PXDN: variants seen among roughly 807,000 people sequenced by gnomAD.
The protein encoded by PXDN is peroxidasin.
In PXDN, 77 loss-of-function variants were observed where a neutral mutation model predicts 140.3. The observed-to-expected ratio is 0.55, with a 90% CI of 0.46 to 0.66. The LOEUF is 0.66. Ranked by LOEUF, PXDN falls within the 30% of genes least tolerant of loss-of-function variation. The pLI is 0.00. For synonymous variants in PXDN, 911 were observed against 857.4 expected, an observed-to-expected ratio of 1.06 and a Z score of -1.09; for missense variants, 1,838 against 2,039.5, an observed-to-expected ratio of 0.90 and a Z score of 1.90.
chr2:1,744,612 CCGAGGGCGGGGCGGGG>C, upstream of PXDN: 3 of 626,380 alleles, frequency 4.8e-6, no homozygotes, highest in Non-Finnish European at 2.2e-6. Flanking sequence ...CTCTGAATCC[CCGAGGGCGGGGCGGGG>C]CGAGAACCCG....
chr2:1,712,553 G>A (rs1684807391), intron 1 of PXDN, among the ~76,000 whole-genome samples: 1 of 152,134 alleles, frequency 6.6e-6, no homozygotes, highest in African/African-American at 2.4e-5. Context: ...GGAGAAGAGT[G>A]GAAATCTAAA....
Position 1,649,718 on chromosome 2 carries a change from G to C in PXDN, c.2105-43C>G. On this transcript the variant is annotated intron_variant, in intron 16 of 22. Transcript: ENST00000252804. The surrounding 1 kb of genome is among the most constrained non-coding windows in gnomAD (Gnocchi z 7.1). ...GCAAGACGCACTCAATTCCCCTGGA[G>C]GATGTGTGAGGGCCCGGTACCCCTT... 1 of 1,601,736 alleles carries C rather than the reference G, an allele frequency of 6.2e-7. No homozygotes were observed.
chr2:1,648,489 G>A lies in PXDN; in HGVS notation c.3291C>T (p.Pro1097=), dbSNP rs372463004. 4 of 1,611,844 alleles carry A rather than the reference G, an allele frequency of 2.5e-6. No individual in the cohort carries two copies. Among genetic ancestry groups the A allele is most frequent in the African/African-American group, 1.3e-5 (1 of 74,950 alleles). The change falls in exon 17 of 23, where the codon CCC becomes CCT. Residue 1097 remains proline, a synonymous_variant. Coordinates refer to ENST00000252804, the MANE Select transcript of PXDN (RefSeq NM_012293.3). The surrounding 1 kb of genome is among the most constrained non-coding windows in gnomAD (Gnocchi z 8.9). ...NFQPIAQDHL[P]LHKAFFSPFR... ...AGGGAGAGAAGAAAGCTTTGTGAAG[G>A]GGGAGGTGATCTTGTGCAATGGGCT...
chr2:1,735,618 C>A lies in PXDN; in HGVS notation c.200+8638G>T, dbSNP rs569108829. ...AGTGAGCTTAAAATATTCAGAGAAC[C>A]ATGCGGCAAACAAATATGCTGTCAT... On this transcript the variant is annotated intron_variant, in intron 1 of 22. Transcript: ENST00000252804. Among the ~76,000 whole-genome samples, 3 of 152,126 alleles carry A rather than the reference C, an allele frequency of 2.0e-5. No individual in the cohort carries two copies. In the East Asian group the frequency reaches 5.8e-4, roughly 29 times the overall value.
rs138801219 is a variant in PXDN, at chr2:1,733,550, T to C, written c.200+10706A>G. Among the ~76,000 whole-genome samples, 568 of 152,158 alleles carry C rather than the reference T, an allele frequency of 3.7e-3. 3 individuals carry two copies. Among genetic ancestry groups the C allele is most frequent in the African/African-American group, 0.013 (523 of 41,524 alleles). On this transcript the variant is annotated intron_variant, in intron 1 of 22. Transcript: ENST00000252804. ...TGTAGTCAGGAGTTCGAGACCAGCA[T>C]GGCCAACATGGTGAAATCCCGTTTC...
chr2:1,725,491 C>A (rs1189606984), intron 1 of PXDN, among the ~76,000 whole-genome samples: 1 of 151,922 alleles, frequency 6.6e-6, no homozygotes, highest in East Asian at 1.9e-4. Context: ...AAAACCTAGG[C>A]ATTACCATTC....
At chr2:1,741,794 AT>A (rs1361445775) in intron 1 of PXDN, among the ~76,000 whole-genome samples, 5 of 152,174 alleles carry the variant, frequency 3.3e-5, no homozygotes, top group South Asian at 4.1e-4. Context: ...ATAGAAAATA[AT>A]CACATATACA....
Position 1,648,503 on chromosome 2 carries a change from G to A in PXDN, c.3277C>T (p.Gln1093Ter). 4 of 1,612,576 alleles carry A rather than the reference G, an allele frequency of 2.5e-6. No individual in the cohort carries two copies. Among genetic ancestry groups the A allele is most frequent in the Middle Eastern group, 3.3e-4 (2 of 6,062 alleles). The stretch of plus-strand genomic sequence containing the variant: ...GCTTTGTGAAGGGGGAGGTGATCTT[G>A]TGCAATGGGCTGGAAGTTCTCGTCC... ...RLDENFQPIA[Q>*]DHLPLHKAFF... The change falls in exon 17 of 23, where the codon CAA (glutamine) becomes TAA (stop). Residue 1093 changes from glutamine (Q) to a stop codon, truncating the protein, a stop_gained. Coordinates refer to ENST00000252804, the MANE Select transcript of PXDN (RefSeq NM_012293.3). LOFTEE classifies it high-confidence loss of function. The surrounding 1 kb of genome is among the most constrained non-coding windows in gnomAD (Gnocchi z 8.9).
At position 1,685,716 on chromosome 2, in the gene PXDN, G is replaced by C. The variant is rs1332133723; in HGVS notation, c.417-1565C>G. ...GTTGGCCAGGGGGACGGCTGAGTGG[G>C]TGGGACTTGGCACCTGCTGCACAGG... On this transcript the variant is annotated intron_variant, in intron 4 of 22. Transcript: ENST00000252804. This position sits in a 1 kb window ranked among gnomAD's most constrained non-coding sequence, Gnocchi z 5.1. Among the ~76,000 whole-genome samples the C allele has an allele frequency of 1.4e-5, 2 of 145,394 alleles. No homozygotes were observed. The highest frequency in any genetic ancestry group is 3.0e-5 in the Non-Finnish European group (2 of 66,692).
Position 1,706,651 on chromosome 2 carries a change from T to G in PXDN, c.201-13517A>C, listed in dbSNP as rs190083144. Among the ~76,000 whole-genome samples the G allele has an allele frequency of 1.3e-3, 84 of 66,538 alleles. 1 individual carries two copies. Among genetic ancestry groups the G allele is most frequent in the Middle Eastern group, 9.4e-3 (1 of 106 alleles). 43.7% of individuals were successfully genotyped at this position (66,538 alleles called of 152,430 possible). On this transcript the variant is annotated intron_variant, in intron 1 of 22. Coordinates refer to ENST00000252804, the MANE Select transcript of PXDN (RefSeq NM_012293.3). ...TAATAATACAATCTGAGAGCATGCT[T>G]CAGTGTTCACCAATCAGCTCTAAGC... is the stretch of plus-strand genomic sequence containing the variant.
In PXDN at chr2:1,696,384, T is replaced by C. The variant is rs531476352; in HGVS notation, c.201-3250A>G. On this transcript the variant is annotated intron_variant, in intron 1 of 22. Transcript: ENST00000252804. ...AGAGCACCAAAAAAGACTTCTACTA[T>C]GAAGAGGGTAAAACAAACGGTCCCC... 4.6e-5 allele frequency among the ~76,000 whole-genome samples: 7 copies of C among 151,632 alleles called. No individual in the cohort carries two copies. The South Asian group carries it at 1.5e-3, about 31-fold the overall frequency.
intron 19 of PXDN, among the ~76,000 whole-genome samples, chr2:1,642,492 G>A (rs964523487): frequency 2.6e-5 from 4 of 152,152 alleles, no homozygotes; most frequent in Admixed American, 6.5e-5. Context: ...GGGTGAGGCC[G>A]GGATCTGGCC....
chr2:1,674,506 C>T (rs549933685), intron 8 of PXDN, among the ~76,000 whole-genome samples: 29 of 152,322 alleles, frequency 1.9e-4, no homozygotes, highest in African/African-American at 6.5e-4. Flanking sequence ...GGCCAGTCCT[C>T]GGGCAGCAAG....
chr2:1,674,176 A>G (rs1683642344), intron 8 of PXDN, among the ~76,000 whole-genome samples: 1 of 152,238 alleles, frequency 6.6e-6, no homozygotes, highest in African/African-American at 2.4e-5. Context: ...AAACATTTTT[A>G]CATTACTAAA....
intron 16 of PXDN, among the ~76,000 whole-genome samples, chr2:1,650,062 C>CA (rs1682979713): frequency 6.6e-6 from 1 of 152,152 alleles, no homozygotes; most frequent in Non-Finnish European, 1.5e-5. Context: ...GTGTAAGAGA[C>CA]AGTCACCACA....
rs1199019390 is a variant in PXDN at position 1,685,123 on chromosome 2, G to T, written c.417-972C>A. 2.0e-5 allele frequency among the ~76,000 whole-genome samples: 3 copies of T among 152,326 alleles called. No individual in the cohort carries two copies. Among genetic ancestry groups the T allele is most frequent in the African/African-American group, 4.8e-5 (2 of 41,578 alleles). ...ACCACCAGGGCACCAGAGTGCGGCT[G>T]CCAGGGCCCGCCCCGTCCCGGGGCC... On this transcript the variant is annotated intron_variant, in intron 4 of 22. Coordinates refer to ENST00000252804, the MANE Select transcript of PXDN (RefSeq NM_012293.3). The surrounding 1 kb of genome is among the most constrained non-coding windows in gnomAD (Gnocchi z 5.1).
rs540199122 is a variant in PXDN at position 1,653,777 on chromosome 2, C to T, written c.1955G>A (p.Arg652His). The T allele has an allele frequency of 2.7e-5, 43 of 1,572,812 alleles. No homozygotes were observed. Among genetic ancestry groups the T allele is most frequent in the Admixed American group, 7.4e-5 (4 of 54,192 alleles). ...CAAGGCCAGCAAATCATTTGGAGAA[C>T]GAGGACGGCTAACCAGAGTTTAGGG... is the stretch of plus-strand genomic sequence containing the variant. ...TRTHLFDSRP[R>H]SPNDLLALFR... The change falls in exon 16 of 23, where the codon CGT becomes CAT. Residue 652 changes from arginine to histidine, a missense_variant. This residue lies in a region of PXDN where 537 missense variants were observed against 583.9 expected (regional missense o/e 0.92). Coordinates refer to ENST00000252804, the MANE Select transcript of PXDN (RefSeq NM_012293.3).
chr2:1,661,140 A>C, intron 13 of PXDN, 103 bp from the exon 14 acceptor site: 1 of 1,372,636 alleles, frequency 7.3e-7, no homozygotes, highest in East Asian at 2.4e-5. Flanking sequence ...GGATTTGCAA[A>C]TGGAGAAGCT....
At chr2:1,728,007 C>T (rs1024862434) in intron 1 of PXDN, among the ~76,000 whole-genome samples, 2 of 152,196 alleles carry the variant, frequency 1.3e-5, no homozygotes, top group East Asian at 3.9e-4. Flanking sequence ...GCAATCACAG[C>T]TCACTGCAGC....
Sources: allele counts gnomAD v4.1 joint callset (sites outside exome capture counted in the v4.1 genomes callset), GRCh38; gene constraint gnomAD v4.1.1; regional missense constraint gnomAD v4.1.1; non-coding constraint Gnocchi (gnomAD v3.1); transcripts MANE v1.5; gene names NCBI Gene and HGNC (gene_info 2026-07-23, HGNC 2026-07-21).